Variants in COL25A1 observed in about 807,000 individuals in gnomAD.
The protein encoded by COL25A1 is collagen type XXV alpha 1 chain, also known as collagen alpha-1(XXV) chain.
Under a neutral mutation model 128.4 loss-of-function variants are expected in COL25A1, and 103 were observed. The ratio of observed to expected loss-of-function variants is 0.80; its 90% confidence interval spans 0.68 to 0.94. The LOEUF is 0.94. COL25A1 is among the 40% of genes least tolerant of loss of function. The pLI, the probability that COL25A1 is intolerant of heterozygous loss-of-function variation, is 0.00. For missense variants in COL25A1, 745 were observed against 840.0 expected (o/e 0.89, Z 1.40); for synonymous variants, 279 against 277.2 (o/e 1.01, Z -0.06).
At chr4:109,142,451 A>G (rs974612141) in intron 3 of COL25A1, among the ~76,000 whole-genome samples, 4 of 152,196 alleles carry the variant, frequency 2.6e-5, no homozygotes, top group Non-Finnish European at 4.4e-5. Context: ...TCCAGAGCTG[A>G]GTTCAAGTCC....
At chr4:109,053,208 T>C (rs1761144256) in intron 3 of COL25A1, among the ~76,000 whole-genome samples, 1 of 152,224 alleles carries the variant, frequency 6.6e-6, no homozygotes, top group African/African-American at 2.4e-5. Context: ...GTACTATTCA[T>C]GCTTCAGAAA....
chr4:109,289,041 G>GT (rs1302797277), intron 3 of COL25A1, among the ~76,000 whole-genome samples: 1 of 150,646 alleles, frequency 6.6e-6, no homozygotes, highest in Non-Finnish European at 1.5e-5. Flanking sequence ...CTAAAGAACT[G>GT]TTTCCTGTGT....
intron 6 of COL25A1, among the ~76,000 whole-genome samples, chr4:108,983,822 A>G (rs1386786819): frequency 1.3e-5 from 2 of 152,058 alleles, no homozygotes; most frequent in Admixed American, 1.3e-4. Flanking sequence ...AGACCTTCGC[A>G]GTGAGTGTTG....
intron 31 of COL25A1, chr4:108,832,735 G>A: frequency 4.9e-6 from 1 of 203,158 alleles, no homozygotes; most frequent in Non-Finnish European, 9.9e-6. Flanking sequence ...GGTGGCTCAA[G>A]CCTGTAATCC....
At chr4:109,171,332 A>G (rs529296366) in intron 3 of COL25A1, among the ~76,000 whole-genome samples, 18 of 152,182 alleles carry the variant, frequency 1.2e-4, no homozygotes, top group Non-Finnish European at 2.4e-4. Flanking sequence ...TTCCAAATCC[A>G]TATGTTGAAA....
chr4:109,288,105 C>T (rs1560984938), intron 3 of COL25A1, among the ~76,000 whole-genome samples: 1 of 152,126 alleles, frequency 6.6e-6, no homozygotes. Flanking sequence ...ACCATATGCT[C>T]ATATCAGGCA....
chr4:108,907,678 A>T (rs1006259323), intron 13 of COL25A1, among the ~76,000 whole-genome samples: 4 of 152,230 alleles, frequency 2.6e-5, no homozygotes, highest in Non-Finnish European at 5.9e-5. Context: ...TAGATGTGAG[A>T]TTAAAACCCA....
At chr4:109,255,376 A>G (rs1430769629) in intron 3 of COL25A1, among the ~76,000 whole-genome samples, 1 of 152,206 alleles carries the variant, frequency 6.6e-6, no homozygotes, top group Non-Finnish European at 1.5e-5. Flanking sequence ...ACCCCACTGA[A>G]GTTGAAAATT....
chr4:109,140,936 G>A (rs1031185492), intron 3 of COL25A1, among the ~76,000 whole-genome samples: 1 of 152,080 alleles, frequency 6.6e-6, no homozygotes, highest in Non-Finnish European at 1.5e-5. Flanking sequence ...TCTTTCTCTT[G>A]CCTGAGTACC....
rs181109581 is a variant in COL25A1, at chr4:108,998,502, G to T, written c.438+11856C>A. Among the ~76,000 whole-genome samples, 20 of 152,268 alleles carry T rather than the reference G, an allele frequency of 1.3e-4. No homozygotes were observed. The East Asian group carries it at 3.7e-3, about 28-fold the overall frequency. On this transcript the variant is annotated intron_variant, in intron 6 of 37. Transcript: ENST00000399132. ...AATGGAAAAACATTCCATGCTCATG[G>T]ATAGGAAGAATCAATATCATGAAAA... is the stretch of plus-strand genomic sequence containing the variant.
rs1247811819 is a variant in COL25A1 at position 108,905,392 on chromosome 4, AATAG to A, written c.781-4224_781-4221del. Among the ~76,000 whole-genome samples, 34 of 152,244 alleles carry A rather than the reference AATAG, an allele frequency of 2.2e-4. 1 individual carries two copies. The highest frequency in any genetic ancestry group is 3.1e-4 in the Non-Finnish European group (21 of 67,994). On this transcript the variant is annotated intron_variant, in intron 13 of 37. Transcript: ENST00000399132. ...ATATCATGTTAAAATGATAATTTTG[AATAG>A]ATAGAGTTTAAAAACTATATTATTA...
At chr4:109,117,038 TGC>T (rs1767644801) in intron 3 of COL25A1, among the ~76,000 whole-genome samples, 2 of 144,788 alleles carry the variant, frequency 1.4e-5, no homozygotes, top group African/African-American at 5.0e-5. Flanking sequence ...AAGTGTAACA[TGC>T]GTAATAGGAA....
intron 22 of COL25A1, 122 bp from the exon 23 acceptor site, chr4:108,861,093 C>T (rs13133634): frequency 0.57 from 426,830 of 748,138 alleles, 128,528 homozygotes; most frequent in East Asian, 0.94. Flanking sequence ...TGAAAAACAA[C>T]AGCAACCACC....
At chr4:109,177,640 G>A (rs1409859255) in intron 3 of COL25A1, among the ~76,000 whole-genome samples, 3 of 152,170 alleles carry the variant, frequency 2.0e-5, no homozygotes, top group Non-Finnish European at 4.4e-5. Flanking sequence ...GTTAACAGGA[G>A]GTGACAAGCC....
chr4:108,932,498 C>T (rs189966290), intron 11 of COL25A1, among the ~76,000 whole-genome samples: 1 of 152,252 alleles, frequency 6.6e-6, no homozygotes, highest in East Asian at 1.9e-4. Flanking sequence ...CAATGAGGAA[C>T]ACTTTAAGTA....
At chr4:109,235,181 G>A (rs561693404) in intron 3 of COL25A1, among the ~76,000 whole-genome samples, 2 of 152,094 alleles carry the variant, frequency 1.3e-5, no homozygotes, top group African/African-American at 4.8e-5. Flanking sequence ...TGCTAAGTGA[G>A]AAAATACCTA....
intron 32 of COL25A1, among the ~76,000 whole-genome samples, chr4:108,831,966 T>A (rs1259159774): frequency 6.6e-6 from 1 of 152,222 alleles, no homozygotes; most frequent in Non-Finnish European, 1.5e-5. Flanking sequence ...GGTTTCATTA[T>A]TTCCTTTGGA....
intron 11 of COL25A1, among the ~76,000 whole-genome samples, chr4:108,922,824 TG>T (rs1745625959): frequency 6.6e-6 from 1 of 152,170 alleles, no homozygotes; most frequent in Admixed American, 6.5e-5. Flanking sequence ...AATTTTGAAT[TG>T]GGAATACATG....
intron 3 of COL25A1, among the ~76,000 whole-genome samples, chr4:109,066,709 C>A (rs1179315283): frequency 1.3e-5 from 2 of 152,156 alleles, no homozygotes; most frequent in East Asian, 3.9e-4. Context: ...CACTCCCAGG[C>A]TGGAGTGCCA....
Sources: gnomAD v4.1 joint callset for allele counts (sites outside exome capture counted in the v4.1 genomes callset) on GRCh38, gnomAD v4.1.1 for gene constraint, MANE v1.5 for transcripts, NCBI Gene and HGNC (gene_info 2026-07-23, HGNC 2026-07-21) for gene names.